Variants in ADAMTS19 observed in about 807,000 individuals in gnomAD.
ADAMTS19 encodes the protein ADAM metallopeptidase with thrombospondin type 1 motif 19.
ADAMTS19 carries 93 observed loss-of-function variants against 153.3 expected under a neutral mutation model. The observed-to-expected ratio is 0.61, with a 90% CI of 0.51 to 0.72. ADAMTS19 has a LOEUF of 0.72. ADAMTS19 is among the 30% of genes least tolerant of loss of function. The pLI, the probability that ADAMTS19 is intolerant of heterozygous loss-of-function variation, is 0.00. For synonymous variants in ADAMTS19, 600 were observed against 556.6 expected (o/e 1.08, Z -1.10); for missense variants, 1,482 against 1,552.1 (o/e 0.95, Z 0.76).
At chr5:129,556,748 A>G (rs1197787103) in intron 7 of ADAMTS19, among the ~76,000 whole-genome samples, 1 of 152,194 alleles carries the variant, frequency 6.6e-6, no homozygotes, top group African/African-American at 2.4e-5. Flanking sequence ...TCAACTCATT[A>G]TGGATGGTTT....
rs888438592 is a variant in ADAMTS19, at chr5:129,461,214, G to T, written c.204G>T (p.Trp68Cys). ...GCGGGGGCAGCGCGGACCCGGGCTGGGTGCGCGGCGTTGGGGGCGGCGGAA... is the reference window on the plus strand; with the variant it reads ...GCGGGGGCAGCGCGGACCCGGGCTGTGTGCGCGGCGTTGGGGGCGGCGGAA... ...GGSGGSADPGWVRGVGGGGSA... is the reference protein window; with the variant it reads ...GGSGGSADPGCVRGVGGGGSA... Residue 68 changes from tryptophan to cysteine, a missense_variant, in exon 2 of 23, where the codon TGG (tryptophan) becomes TGT (cysteine). Coordinates refer to ENST00000274487, the MANE Select transcript of ADAMTS19 (RefSeq NM_133638.6). The surrounding 1 kb of genome is among the most constrained non-coding windows in gnomAD (Gnocchi z 4.6). 25 of 1,282,574 alleles carry T rather than the reference G, an allele frequency of 1.9e-5. No homozygotes were observed. In the African/African-American group the frequency reaches 2.6e-4, roughly 14 times the overall value. 79.4% of individuals were successfully genotyped at this position (1,282,574 alleles called of 1,614,324 possible).
intron 2 of ADAMTS19, among the ~76,000 whole-genome samples, chr5:129,503,617 T>A (rs529493057): frequency 6.6e-6 from 1 of 152,208 alleles, no homozygotes; most frequent in South Asian, 2.1e-4. Flanking sequence ...GGCATGCGGA[T>A]CACCTGAGGT....
At chr5:129,466,932 GAATGCTTGATTTTAAA>G (rs1442522842) in intron 2 of ADAMTS19, among the ~76,000 whole-genome samples, 1 of 152,172 alleles carries the variant, frequency 6.6e-6, no homozygotes, top group East Asian at 1.9e-4. Flanking sequence ...TTTATGTGTA[GAATGCTTGATTTTAAA>G]AATTGTTATT....
At chr5:129,491,681 T>C (rs1031510002) in intron 2 of ADAMTS19, among the ~76,000 whole-genome samples, 1 of 152,210 alleles carries the variant, frequency 6.6e-6, no homozygotes, top group African/African-American at 2.4e-5. Context: ...TGTGGTCAAA[T>C]TTGATAACAC....
At chr5:129,618,552 C>G (rs1271044797) in intron 8 of ADAMTS19, among the ~76,000 whole-genome samples, 1 of 151,852 alleles carries the variant, frequency 6.6e-6, no homozygotes, top group African/African-American at 2.4e-5. Context: ...TTGATTCAAA[C>G]TCATAATTCA....
At chr5:129,642,072 A>G in intron 11 of ADAMTS19, 112 bp downstream of exon 11, 1 of 471,514 alleles carries the variant, frequency 2.1e-6, no homozygotes, top group Non-Finnish European at 3.7e-6. Context: ...TGGAATAATA[A>G]CAGTATATAC....
At position 129,654,200 on chromosome 5, in the gene ADAMTS19, TTGAATTA is replaced by T. The variant is rs889904059; in HGVS notation, c.2177-104_2177-98del. The stretch of plus-strand genomic sequence containing the variant: ...CTAACATTACATTACTTAATTAGCA[TTGAATTA>T]TATTTTTTACTCAATAACGATTCTT... On this transcript the variant is annotated intron_variant, in intron 13 of 22. Transcript: ENST00000274487. The T allele has an allele frequency of 2.8e-6, 3 of 1,074,716 alleles. No individual in the cohort carries two copies. The African/African-American group carries it at 4.8e-5, about 17-fold the overall frequency. The allele number at this position is 1,074,716 out of a possible 1,614,324, so 66.6% of individuals were successfully genotyped here.
chr5:129,695,692 C>T (rs1755521091), intron 19 of ADAMTS19, among the ~76,000 whole-genome samples: 1 of 152,122 alleles, frequency 6.6e-6, no homozygotes, highest in Non-Finnish European at 1.5e-5. Flanking sequence ...TGTCCAAAAT[C>T]CTGAAAACTT....
intron 21 of ADAMTS19, among the ~76,000 whole-genome samples, chr5:129,723,448 C>A (rs1051438485): frequency 5.3e-5 from 8 of 152,080 alleles, no homozygotes. Flanking sequence ...GAAGATTAAG[C>A]CTTTTTCTTG....
chr5:129,511,984 A>G (rs1751451308), intron 3 of ADAMTS19, among the ~76,000 whole-genome samples: 1 of 152,040 alleles, frequency 6.6e-6, no homozygotes, highest in African/African-American at 2.4e-5. Flanking sequence ...GTATAAAGGC[A>G]TGAGAAGGCA....
chr5:129,547,614 G>A (rs1023432457), intron 6 of ADAMTS19, among the ~76,000 whole-genome samples: 4 of 150,444 alleles, frequency 2.7e-5, no homozygotes, highest in Non-Finnish European at 2.9e-5. Flanking sequence ...TCTATAAATA[G>A]ATTCAATGCC....
At chr5:129,621,582 A>G (rs980424865) in intron 9 of ADAMTS19, among the ~76,000 whole-genome samples, 7 of 152,330 alleles carry the variant, frequency 4.6e-5, no homozygotes, top group African/African-American at 1.7e-4. Flanking sequence ...CACTCAGAGC[A>G]TGTGATATTT....
intron 8 of ADAMTS19, among the ~76,000 whole-genome samples, chr5:129,597,666 G>T (rs1230033319): frequency 6.6e-6 from 1 of 152,042 alleles, no homozygotes; most frequent in Non-Finnish European, 1.5e-5. Flanking sequence ...CAGCACTTTG[G>T]GAGGCCGAGG....
At chr5:129,498,502 T>G (rs914646391) in intron 2 of ADAMTS19, among the ~76,000 whole-genome samples, 3 of 152,064 alleles carry the variant, frequency 2.0e-5, no homozygotes, top group Non-Finnish European at 4.4e-5. Context: ...TCTTTATTTG[T>G]TACTTTTTGA....
At chr5:129,484,713 G>A (rs1750535986) in intron 2 of ADAMTS19, among the ~76,000 whole-genome samples, 1 of 151,944 alleles carries the variant, frequency 6.6e-6, no homozygotes, top group African/African-American at 2.4e-5. Context: ...TAATAATGAT[G>A]ATCCTGTTGT....
chr5:129,602,319 G>A (rs950454819), intron 8 of ADAMTS19, among the ~76,000 whole-genome samples: 2 of 152,064 alleles, frequency 1.3e-5, no homozygotes, highest in African/African-American at 2.4e-5. Flanking sequence ...GTGAACTCCC[G>A]ACCTCAGGTG....
intron 2 of ADAMTS19, among the ~76,000 whole-genome samples, chr5:129,497,245 A>C (rs1581008409): frequency 6.6e-6 from 1 of 151,848 alleles, no homozygotes; most frequent in African/African-American, 2.4e-5. Flanking sequence ...ACAAGCTTTC[A>C]CTTTTTCTTT....
chr5:129,729,715 A>C (rs1490933646), intron 21 of ADAMTS19, among the ~76,000 whole-genome samples: 1 of 152,086 alleles, frequency 6.6e-6, no homozygotes. Context: ...AATTTTATAA[A>C]AGGTGCTATT....
At chr5:129,671,794 T>C (rs1754313733) in intron 16 of ADAMTS19, among the ~76,000 whole-genome samples, 1 of 152,136 alleles carries the variant, frequency 6.6e-6, no homozygotes, top group Non-Finnish European at 1.5e-5. Flanking sequence ...ATGTTATATC[T>C]TTGCAAAATC....
Sources: allele counts gnomAD v4.1 joint callset (sites outside exome capture counted in the v4.1 genomes callset), GRCh38; gene constraint gnomAD v4.1.1; non-coding constraint Gnocchi (gnomAD v3.1); transcripts MANE v1.5; gene names NCBI Gene and HGNC (gene_info 2026-07-23, HGNC 2026-07-21).